LINGO2: variants seen among roughly 807,000 people sequenced by gnomAD.
The protein encoded by LINGO2 is leucine rich repeat and Ig domain containing 2, also known as leucine-rich repeat and immunoglobulin-like domain-containing nogo receptor-interacting protein 2.
A neutral mutation model predicts 30.6 loss-of-function variants in LINGO2; 14 were observed. The observed-to-expected ratio is 0.46, with a 90% CI of 0.30 to 0.72. LINGO2 has a LOEUF of 0.72. Among genes scored for constraint, LINGO2 ranks in the 30% least tolerant of loss-of-function variants. LINGO2 has a pLI of 0.07. For missense variants in LINGO2, 729 were observed against 751.7 expected (o/e 0.97, Z 0.35); for synonymous variants, 317 against 288.5 (o/e 1.10, Z -1.00).
intron 4 of LINGO2, among the ~76,000 whole-genome samples, chr9:28,046,513 G>A (rs1444185805): frequency 6.6e-6 from 1 of 152,110 alleles, no homozygotes; most frequent in Non-Finnish European, 1.5e-5. Context: ...TGCAGTTTAG[G>A]AATACTTTTG....
chr9:28,365,342 C>A, intron 3 of LINGO2, among the ~76,000 whole-genome samples: 1 of 152,092 alleles, frequency 6.6e-6, no homozygotes, highest in East Asian at 1.9e-4. Context: ...ATGTGTCATG[C>A]TAAAGAGCCT....
intron 3 of LINGO2, among the ~76,000 whole-genome samples, chr9:28,362,504 C>G (rs1201479338): frequency 6.7e-6 from 1 of 150,088 alleles, no homozygotes; most frequent in Non-Finnish European, 1.5e-5. Flanking sequence ...GAGTTTCACT[C>G]TTTTTGCCCA....
chr9:28,209,656 T>G (rs1353957501), intron 4 of LINGO2, among the ~76,000 whole-genome samples: 1 of 151,834 alleles, frequency 6.6e-6, no homozygotes, highest in Non-Finnish European at 1.5e-5. Context: ...TCTCTGTGTC[T>G]CGGAGGAATT....
chr9:28,264,675 C>T (rs993003406), intron 4 of LINGO2, among the ~76,000 whole-genome samples: 11 of 151,874 alleles, frequency 7.2e-5, no homozygotes, highest in South Asian at 2.1e-4. Context: ...TATTCTAGCT[C>T]GGCCACACAC....
At chr9:28,382,033 C>T (rs1263206729) in intron 2 of LINGO2, among the ~76,000 whole-genome samples, 1 of 152,076 alleles carries the variant, frequency 6.6e-6, no homozygotes, top group Non-Finnish European at 1.5e-5. Context: ...CCCAGCACTA[C>T]TACTTATTAA....
intron 3 of LINGO2, among the ~76,000 whole-genome samples, chr9:28,304,911 A>G (rs987927569): frequency 6.6e-6 from 1 of 152,072 alleles, no homozygotes; most frequent in African/African-American, 2.4e-5. Context: ...AAAGTTAGCA[A>G]TAAGATGTAA....
intron 4 of LINGO2, among the ~76,000 whole-genome samples, chr9:28,107,556 A>G (rs937150666): frequency 2.8e-4 from 42 of 152,076 alleles, no homozygotes; most frequent in Admixed American, 1.4e-3. Context: ...CATTTCATCT[A>G]TTTGTTTCAG....
At chr9:28,224,628 T>A (rs1384394003) in intron 4 of LINGO2, among the ~76,000 whole-genome samples, 4 of 152,206 alleles carry the variant, frequency 2.6e-5, no homozygotes, top group Non-Finnish European at 4.4e-5. Context: ...TGTATTTTTG[T>A]ACCCATTTTT....
intron 1 of LINGO2, among the ~76,000 whole-genome samples, chr9:28,567,863 A>T (rs942169562): frequency 6.6e-6 from 1 of 152,112 alleles, no homozygotes; most frequent in African/African-American, 2.4e-5. Context: ...GATTCAAAGC[A>T]TGGAAGGCTT....
chr9:28,626,258 A>C (rs564538505), intron 1 of LINGO2, among the ~76,000 whole-genome samples: 3 of 152,086 alleles, frequency 2.0e-5, no homozygotes, highest in Non-Finnish European at 4.4e-5. Flanking sequence ...CATTTTCTTA[A>C]ATTGGGCTAT....
Position 28,543,535 on chromosome 9 carries a change from G to A in LINGO2, c.-364-67510C>T, listed in dbSNP as rs568007847. ...ACTGAGCAACACTCGTATTTGGACT[G>A]CCTCAGAATTTTTATGAATTTTGAG... On this transcript the variant is annotated intron_variant, in intron 1 of 5. Transcript: ENST00000379992. 2.6e-4 allele frequency among the ~76,000 whole-genome samples: 40 copies of A among 152,094 alleles called. No homozygotes were observed. In the South Asian group the frequency reaches 8.3e-3, roughly 32 times the overall value.
At chr9:29,203,708 G>T in the LINGO2 span, among the ~76,000 whole-genome samples, 5 of 152,122 alleles carry the variant, frequency 3.3e-5, no homozygotes, top group Admixed American at 1.3e-4. Context: ...CTTCTGAAGC[G>T]TTTTCTGGTC....
the LINGO2 span, among the ~76,000 whole-genome samples, chr9:28,776,455 A>C: frequency 6.6e-6 from 1 of 152,180 alleles, no homozygotes; most frequent in African/African-American, 2.4e-5. Context: ...AATAATGAAA[A>C]CTAACAATGC....
At chr9:28,357,185 G>C (rs550992952) in intron 3 of LINGO2, among the ~76,000 whole-genome samples, 1 of 151,944 alleles carries the variant, frequency 6.6e-6, no homozygotes, top group South Asian at 2.1e-4. Context: ...TGGTTCTTTC[G>C]GGTTTGCAAA....
intron 5 of LINGO2, among the ~76,000 whole-genome samples, chr9:27,996,456 G>A (rs1821666792): frequency 6.6e-6 from 1 of 152,118 alleles, no homozygotes; most frequent in Admixed American, 6.5e-5. Context: ...CAGCCATGAA[G>A]AATGGAATCC....
intron 1 of LINGO2, among the ~76,000 whole-genome samples, chr9:28,621,579 T>C (rs1443521834): frequency 6.6e-6 from 1 of 152,072 alleles, no homozygotes; most frequent in African/African-American, 2.4e-5. Context: ...GATTATTTTA[T>C]TCCAAATGTT....
chr9:28,394,812 A>C (rs189196635), intron 2 of LINGO2, among the ~76,000 whole-genome samples: 1 of 152,358 alleles, frequency 6.6e-6, no homozygotes, highest in Admixed American at 6.5e-5. Flanking sequence ...TTCCAATTGA[A>C]CACAGTGTAG....
chr9:28,859,386 C>T, the LINGO2 span, among the ~76,000 whole-genome samples: 5 of 152,120 alleles, frequency 3.3e-5, no homozygotes, highest in East Asian at 1.9e-4. Context: ...CTAATTAGTA[C>T]GCAGCTAATA....
chr9:28,040,368 G>A (rs1049634896), intron 4 of LINGO2, among the ~76,000 whole-genome samples: 1 of 151,324 alleles, frequency 6.6e-6, no homozygotes, highest in African/African-American at 2.4e-5. Flanking sequence ...TCCTAGCAAT[G>A]GTCCAATGTA....
Sources: allele counts gnomAD v4.1 joint callset (sites outside exome capture counted in the v4.1 genomes callset), GRCh38; gene constraint gnomAD v4.1.1; transcripts MANE v1.5; gene names NCBI Gene and HGNC (gene_info 2026-07-23, HGNC 2026-07-21).